PTPRM: variants seen among roughly 807,000 people sequenced by gnomAD.
PTPRM encodes the protein receptor-type tyrosine-protein phosphatase mu.
Under a neutral mutation model 186.7 loss-of-function variants are expected in PTPRM, and 47 were observed. The ratio of observed to expected loss-of-function variants is 0.25; its 90% CI spans 0.20 to 0.32. PTPRM has a LOEUF of 0.32. Among genes scored for constraint, PTPRM ranks in the 10% least tolerant of loss-of-function variants. PTPRM has a pLI of 1.00. For synonymous variants in PTPRM, 668 were observed against 674.9 expected, an observed-to-expected ratio of 0.99 and a Z score of 0.16; for missense variants, 1,494 against 1,865.0, an observed-to-expected ratio of 0.80 and a Z score of 3.66.
chr18:7,921,399 G>A (rs1045661478), intron 4 of PTPRM, among the ~76,000 whole-genome samples: 1 of 70,210 alleles, frequency 1.4e-5, no homozygotes, highest in Non-Finnish European at 2.9e-5. Flanking sequence ...TTTTTTTTTT[G>A]AGACAGAGTC....
intron 1 of PTPRM, among the ~76,000 whole-genome samples, chr18:7,684,985 A>G (rs1433557453): frequency 1.3e-5 from 2 of 152,224 alleles, no homozygotes; most frequent in Non-Finnish European, 2.9e-5. Context: ...CAAGGGTTTC[A>G]GTGATACTCT....
intron 3 of PTPRM, among the ~76,000 whole-genome samples, chr18:7,891,504 G>A (rs1171574690): frequency 1.3e-5 from 2 of 152,156 alleles, no homozygotes; most frequent in East Asian, 1.9e-4. Context: ...ATGTACTGGT[G>A]ACCAATCAGT....
At position 8,088,746 on chromosome 18, in the gene PTPRM, C is replaced by T. The variant is rs374673379; in HGVS notation, c.1754-3C>T. 2.6e-5 allele frequency: 41 copies of T among 1,605,930 alleles called. No homozygotes were observed. The African/African-American group carries it at 4.5e-4, about 18-fold the overall frequency. Reference sequence around the variant, plus strand: ...GTCTCCCATTCTACGCCTTTTTCCCCAGCACCCTCTATGCCAGCTTATGAA... The same window carrying T: ...GTCTCCCATTCTACGCCTTTTTCCCTAGCACCCTCTATGCCAGCTTATGAA... On this transcript the variant is annotated splice_region_variant and splice_polypyrimidine_tract_variant and intron_variant, in intron 10 of 32. Coordinates refer to ENST00000580170, the MANE Select transcript of PTPRM (RefSeq NM_001105244.2).
chr18:7,849,785 T>TGAGAGGG (rs1419852712), intron 2 of PTPRM, among the ~76,000 whole-genome samples: 1 of 152,140 alleles, frequency 6.6e-6, no homozygotes, highest in Non-Finnish European at 1.5e-5. Flanking sequence ...GAACAACATA[T>TGAGAGGG]GAGAGGGGGA....
At chr18:8,230,199 T>C (rs369661881) in intron 14 of PTPRM, among the ~76,000 whole-genome samples, 3 of 152,296 alleles carry the variant, frequency 2.0e-5, no homozygotes, top group Admixed American at 6.5e-5. Context: ...ATAAAAACCC[T>C]GACTTGTCTT....
Position 7,643,782 on chromosome 18 carries a change from C to T in PTPRM, c.73+75891C>T, listed in dbSNP as rs185065604. On this transcript the variant is annotated intron_variant, in intron 1 of 32. Coordinates refer to ENST00000580170, the MANE Select transcript of PTPRM (RefSeq NM_001105244.2). ...AATCTGAGCTTTTTTCTTAGCAGCC[C>T]GAAGAAAAGTGGTTAATTTTTACTC... Among the ~76,000 whole-genome samples the T allele has an allele frequency of 2.2e-3, 336 of 152,074 alleles. 2 individuals carry two copies. The highest frequency in any genetic ancestry group is 6.9e-3 in the South Asian group (33 of 4,814).
chr18:8,326,582 C>T (rs2095378157), intron 22 of PTPRM, among the ~76,000 whole-genome samples: 1 of 152,144 alleles, frequency 6.6e-6, no homozygotes, highest in Non-Finnish European at 1.5e-5. Context: ...GGTACAAAAG[C>T]ACACACGTAG....
intron 1 of PTPRM, among the ~76,000 whole-genome samples, chr18:7,591,874 G>A (rs1260690771): frequency 6.6e-6 from 1 of 152,188 alleles, no homozygotes; most frequent in Non-Finnish European, 1.5e-5. Flanking sequence ...GAAGATGCTG[G>A]CTGTGCAATT....
intron 14 of PTPRM, among the ~76,000 whole-genome samples, chr18:8,185,242 A>G (rs904976136): frequency 1.3e-4 from 20 of 152,114 alleles, no homozygotes; most frequent in African/African-American, 4.8e-4. Flanking sequence ...CCAGACATCC[A>G]TCTCTCCTGT....
At chr18:7,939,588 G>A (rs1416716257) in intron 5 of PTPRM, among the ~76,000 whole-genome samples, 1 of 152,152 alleles carries the variant, frequency 6.6e-6, no homozygotes, top group South Asian at 2.1e-4. Context: ...ATAAAGAGCT[G>A]TATTTAACCC....
At chr18:7,920,355 G>C (rs187417275) in intron 4 of PTPRM, among the ~76,000 whole-genome samples, 1 of 151,798 alleles carries the variant, frequency 6.6e-6, no homozygotes, top group African/African-American at 2.4e-5. Flanking sequence ...ATCTATTATA[G>C]GTTTTTGCAT....
chr18:8,286,457 A>T (rs2094958290), intron 19 of PTPRM, among the ~76,000 whole-genome samples: 1 of 152,210 alleles, frequency 6.6e-6, no homozygotes, highest in Non-Finnish European at 1.5e-5. Context: ...GCTCCATACC[A>T]GTGCAGGCTC....
chr18:7,780,547 G>T (rs2042805216), intron 2 of PTPRM, among the ~76,000 whole-genome samples: 1 of 152,186 alleles, frequency 6.6e-6, no homozygotes, highest in Non-Finnish European at 1.5e-5. Context: ...CCTTGGTCAA[G>T]TTCTGAAGCT....
At chr18:7,906,960 T>A (rs2050015404) in intron 4 of PTPRM, among the ~76,000 whole-genome samples, 1 of 152,200 alleles carries the variant, frequency 6.6e-6, no homozygotes, top group Non-Finnish European at 1.5e-5. Flanking sequence ...TTGGCACAGT[T>A]CCTTAGTATT....
chr18:7,688,653 A>C (rs1045480573), intron 1 of PTPRM, among the ~76,000 whole-genome samples: 1 of 152,222 alleles, frequency 6.6e-6, no homozygotes, highest in Non-Finnish European at 1.5e-5. Flanking sequence ...GGAAGAGAGT[A>C]GTCCAGGCCC....
chr18:7,677,646 T>G (rs986802116), intron 1 of PTPRM, among the ~76,000 whole-genome samples: 1 of 152,142 alleles, frequency 6.6e-6, no homozygotes, highest in Non-Finnish European at 1.5e-5. Flanking sequence ...ATGGAGAGCC[T>G]TCTTCCATGA....
At chr18:7,910,649 A>G (rs1389328451) in intron 4 of PTPRM, among the ~76,000 whole-genome samples, 1 of 152,210 alleles carries the variant, frequency 6.6e-6, no homozygotes, top group Non-Finnish European at 1.5e-5. Context: ...GCAGAAAGTG[A>G]CCAATCAGAG....
intron 14 of PTPRM, among the ~76,000 whole-genome samples, chr18:8,221,160 GGATA>G (rs2094148956): frequency 2.0e-5 from 3 of 152,140 alleles, no homozygotes; most frequent in Non-Finnish European, 4.4e-5. Flanking sequence ...AGGAAGACTA[GGATA>G]GCAATGGTCA....
intron 11 of PTPRM, among the ~76,000 whole-genome samples, chr18:8,100,478 A>G (rs1351203623): frequency 6.6e-6 from 1 of 152,124 alleles, no homozygotes; most frequent in Non-Finnish European, 1.5e-5. Context: ...ATCTCGTGCA[A>G]ACTCAGAGTG....
Sources: gnomAD v4.1 joint callset for allele counts (sites outside exome capture counted in the v4.1 genomes callset) on GRCh38, gnomAD v4.1.1 for gene constraint, MANE v1.5 for transcripts, NCBI Gene and HGNC (gene_info 2026-07-23, HGNC 2026-07-21) for gene names.